CACNA1B: variants seen among roughly 807,000 people sequenced by gnomAD.
CACNA1B encodes voltage-dependent N-type calcium channel subunit alpha-1B.
A neutral mutation model predicts 247.2 loss-of-function variants in CACNA1B; 70 were observed. That is an observed-to-expected ratio of 0.28 (90% confidence interval 0.23 to 0.35). The LOEUF is 0.35. Ranked by LOEUF, CACNA1B falls within the 10% of genes least tolerant of loss-of-function variation. The pLI, the probability that CACNA1B is intolerant of heterozygous loss-of-function variation, is 1.00. For synonymous variants in CACNA1B, 1,231 were observed against 1,294.4 expected, an observed-to-expected ratio of 0.95 and a Z score of 1.05; for missense variants, 2,367 against 3,197.4, an observed-to-expected ratio of 0.74 and a Z score of 6.26.
rs1221486265 is a variant in CACNA1B, at chr9:138,014,059, C to T, written c.2267+824C>T. 2.0e-5 allele frequency among the ~76,000 whole-genome samples: 3 copies of T among 152,252 alleles called. No individual in the cohort carries two copies. The highest frequency in any genetic ancestry group is 4.4e-5 in the Non-Finnish European group (3 of 68,042). ...CCGGCCACCCGCCCTGCCGTGAACA[C>T]GGAACACAGGGCCGGGTGCAGCCAC... On this transcript the variant is annotated intron_variant, in intron 18 of 46. Transcript: ENST00000371372. This position sits in a 1 kb window ranked among gnomAD's most constrained non-coding sequence, Gnocchi z 6.2.
Position 137,952,354 on chromosome 9 carries a change from C to T in CACNA1B, c.1047C>T (p.Asn349=). ...LIIIGSFFML[N]LVLGVLSGEF... ...TCATCGGCTCCTTCTTCATGCTCAA[C>T]CTGGTGCTGGGCGTGCTCTCGGGGT... Residue 349 remains asparagine, a synonymous_variant, in exon 7 of 47, where the codon AAC becomes AAT. Transcript: ENST00000371372. The surrounding 1 kb of genome is among the most constrained non-coding windows in gnomAD (Gnocchi z 4.8). 6.8e-6 allele frequency: 11 copies of T among 1,613,798 alleles called. No homozygotes were observed. The highest frequency in any genetic ancestry group is 9.3e-6 in the Non-Finnish European group (11 of 1,179,782).
intron 9 of CACNA1B, 146 bp downstream of exon 9, chr9:137,956,973 G>A (rs1421004556): frequency 1.5e-6 from 1 of 670,392 alleles, no homozygotes; most frequent in African/African-American, 1.8e-5. Context: ...ACAGACTAGG[G>A]CCATGGTGTC....
chr9:138,009,343 C>T lies in CACNA1B; in HGVS notation c.2093-667C>T, dbSNP rs192216585. ...GCCATCTGCCGTCTCCACGGCCTGA[C>T]GTGAGTCCTGCAATCTACGGAGCGG... On this transcript the variant is annotated intron_variant, in intron 16 of 46. Transcript: ENST00000371372. Among the ~76,000 whole-genome samples the T allele has an allele frequency of 2.6e-5, 4 of 152,342 alleles. No homozygotes were observed. In the East Asian group the frequency reaches 5.8e-4, roughly 22 times the overall value.
At chr9:137,945,046 A>G (rs977380502) in intron 6 of CACNA1B, among the ~76,000 whole-genome samples, 2 of 152,168 alleles carry the variant, frequency 1.3e-5, no homozygotes, top group African/African-American at 4.8e-5. Flanking sequence ...ACCTGTACGT[A>G]TGGGATTTCT....
rs1296829148 is a variant in CACNA1B at position 137,990,791 on chromosome 9, C to T, written c.1974+3937C>T. On this transcript the variant is annotated intron_variant, in intron 15 of 46. Transcript: ENST00000371372. The surrounding 1 kb of genome is among the most constrained non-coding windows in gnomAD (Gnocchi z 4.5). ...CACATCACAGGACTCTTGACAGACA[C>T]TCCCCAGTACCAGCCTGAAGCCTGG... Among the ~76,000 whole-genome samples, 5 of 152,222 alleles carry T rather than the reference C, an allele frequency of 3.3e-5. No individual in the cohort carries two copies. The highest frequency in any genetic ancestry group is 1.2e-4 in the African/African-American group (5 of 41,456).
At chr9:137,949,902 G>A (rs1957859704) in intron 6 of CACNA1B, among the ~76,000 whole-genome samples, 1 of 152,124 alleles carries the variant, frequency 6.6e-6, no homozygotes, top group Non-Finnish European at 1.5e-5. Flanking sequence ...GTACCCCGTG[G>A]CCCAGCTAAG....
chr9:138,046,798 G>C, intron 21 of CACNA1B, 106 bp from the exon 22 acceptor site: 1 of 1,086,614 alleles, frequency 9.2e-7, no homozygotes, highest in South Asian at 1.5e-5. Context: ...ACAGCTTCCT[G>C]AGGCAGCCCA....
chr9:137,902,610 A>AG (rs1957251589), intron 3 of CACNA1B, among the ~76,000 whole-genome samples: 2 of 152,206 alleles, frequency 1.3e-5, no homozygotes, highest in Admixed American at 6.5e-5. Context: ...TCTGTTTACA[A>AG]AAAGTAACTG....
At chr9:137,930,653 TC>T (rs2133303913) in intron 6 of CACNA1B, among the ~76,000 whole-genome samples, 1 of 152,346 alleles carries the variant, frequency 6.6e-6, no homozygotes, top group South Asian at 2.1e-4. Flanking sequence ...TGGTTTTCTG[TC>T]TATTCTACAA....
rs975845895 is a variant in CACNA1B at position 137,919,772 on chromosome 9, C to T, written c.966+2341C>T. ...GCAGGAGTGGGGGTGTGAGCAACAGCGGGCAGCCAGGACCGGGTGAGTGAT... is the reference window on the plus strand; with the variant it reads ...GCAGGAGTGGGGGTGTGAGCAACAGTGGGCAGCCAGGACCGGGTGAGTGAT... On this transcript the variant is annotated intron_variant, in intron 6 of 46. Coordinates refer to ENST00000371372, the MANE Select transcript of CACNA1B (RefSeq NM_000718.4). The surrounding 1 kb of genome is among the most constrained non-coding windows in gnomAD (Gnocchi z 4.6). 3.9e-5 allele frequency among the ~76,000 whole-genome samples: 6 copies of T among 152,174 alleles called. No individual in the cohort carries two copies. Among genetic ancestry groups the T allele is most frequent in the Non-Finnish European group, 7.4e-5 (5 of 68,024 alleles).
At chr9:137,987,112 C>CG (rs1348282282) in intron 15 of CACNA1B, among the ~76,000 whole-genome samples, 1 of 152,184 alleles carries the variant, frequency 6.6e-6, no homozygotes, top group African/African-American at 2.4e-5. Context: ...GTGTAGTTCC[C>CG]GGGGGGCCCA....
chr9:137,923,734 A>G (rs940286219), intron 6 of CACNA1B, among the ~76,000 whole-genome samples: 1 of 152,210 alleles, frequency 6.6e-6, no homozygotes, highest in African/African-American at 2.4e-5. Context: ...GCTTTTCCAG[A>G]GGGCTACACT....
At chr9:137,897,021 T>G (rs1005235045) in intron 3 of CACNA1B, among the ~76,000 whole-genome samples, 8 of 152,202 alleles carry the variant, frequency 5.3e-5, no homozygotes, top group East Asian at 3.8e-4. Flanking sequence ...CCTGTGTGTG[T>G]GGGGCTTTTT....
chr9:137,922,868 A>ACGT (rs1189906853), intron 6 of CACNA1B, among the ~76,000 whole-genome samples: 2 of 152,054 alleles, frequency 1.3e-5, no homozygotes, highest in Admixed American at 1.3e-4. Flanking sequence ...CACAGTGAAG[A>ACGT]CGTAGAGCAT....
intron 36 of CACNA1B, 36 bp downstream of exon 36, chr9:138,078,294 G>A (rs201083714): frequency 1.1e-4 from 175 of 1,606,220 alleles, no homozygotes; most frequent in Middle Eastern, 4.9e-4. Flanking sequence ...CCAGTGCCAC[G>A]TCTTGTCTCG....
At chr9:138,086,750 A>G (rs1960706171) in intron 36 of CACNA1B, among the ~76,000 whole-genome samples, 1 of 151,244 alleles carries the variant, frequency 6.6e-6, no homozygotes, top group Non-Finnish European at 1.5e-5. Context: ...TGAACAGATC[A>G]TCTAGACAGA....
At chr9:137,981,469 TA>T (rs965158397) in intron 12 of CACNA1B, among the ~76,000 whole-genome samples, 4 of 152,192 alleles carry the variant, frequency 2.6e-5, no homozygotes, top group Non-Finnish European at 4.4e-5. Flanking sequence ...CCTGGTTGAT[TA>T]AGCATGTTTT....
At chr9:138,016,347 T>C (rs1958791932) in intron 18 of CACNA1B, among the ~76,000 whole-genome samples, 1 of 152,214 alleles carries the variant, frequency 6.6e-6, no homozygotes, top group African/African-American at 2.4e-5. Context: ...TGGAGGGAAA[T>C]GGCTGTAAAG....
intron 3 of CACNA1B, among the ~76,000 whole-genome samples, chr9:137,893,658 A>C (rs1957136959): frequency 6.6e-6 from 1 of 152,148 alleles, no homozygotes; most frequent in Non-Finnish European, 1.5e-5. Flanking sequence ...CTCAAAAAAA[A>C]AAAAATGAAA....
Sources: allele counts gnomAD v4.1 joint callset (sites outside exome capture counted in the v4.1 genomes callset), GRCh38; gene constraint gnomAD v4.1.1; non-coding constraint Gnocchi (gnomAD v3.1); transcripts MANE v1.5; gene names NCBI Gene and HGNC (gene_info 2026-07-23, HGNC 2026-07-21).